PIEZO1: variants seen among roughly 807,000 people sequenced by gnomAD.
PIEZO1 encodes piezo type mechanosensitive ion channel component 1 (Er blood group).
In PIEZO1, 296 loss-of-function variants were observed where a neutral mutation model predicts 297.2. The observed-to-expected ratio is 1.00, with a 90% CI of 0.91 to 1.10. The LOEUF (loss-of-function observed/expected upper bound fraction) is 1.10, where lower values mean the gene tolerates loss of function less well. Ranked by LOEUF, PIEZO1 falls within the 50% of genes least tolerant of loss-of-function variation. The probability of loss-of-function intolerance (pLI) is 0.00; values close to 1 mark genes in which losing one functional copy is unlikely to be tolerated. For synonymous variants in PIEZO1, 2,427 were observed against 1,507.5 expected (o/e 1.61, Z -14.13); for missense variants, 5,018 against 3,455.5 (o/e 1.45, Z -11.34).
chr16:88,731,425 G>T, intron 22 of PIEZO1: 2 of 466,416 alleles, frequency 4.3e-6, no homozygotes, highest in South Asian at 2.5e-5. Context: ...AGTGCTCCTT[G>T]TGTGACTCAC....
At chr16:88,741,393 A>G in intron 5 of PIEZO1, 85 bp downstream of exon 5, 1 of 1,269,524 alleles carries the variant, frequency 7.9e-7, no homozygotes, top group Non-Finnish European at 1.1e-6. Flanking sequence ...ATCTGTTTTA[A>G]AAAGATTAAA....
At chr16:88,772,242 G>T (rs980773852) in intron 1 of PIEZO1, among the ~76,000 whole-genome samples, 2 of 152,266 alleles carry the variant, frequency 1.3e-5, no homozygotes, top group Non-Finnish European at 2.9e-5. Flanking sequence ...GAAGTCCCAA[G>T]TCTGTGTCCA....
chr16:88,735,939 G>T (rs1488289006), intron 12 of PIEZO1, among the ~76,000 whole-genome samples: 1 of 152,244 alleles, frequency 6.6e-6, no homozygotes, highest in Non-Finnish European at 1.5e-5. Flanking sequence ...GGTGGTGCCC[G>T]TGCCAACACA....
chr16:88,776,220 G>T (rs969311252), intron 1 of PIEZO1, among the ~76,000 whole-genome samples: 1 of 152,246 alleles, frequency 6.6e-6, no homozygotes, highest in Non-Finnish European at 1.5e-5. Context: ...GGATCATGAG[G>T]TCAGGAGATT....
intron 39 of PIEZO1, 26 bp downstream of exon 39, chr16:88,721,140 G>C (rs1343103903): frequency 1.4e-6 from 2 of 1,465,572 alleles, no homozygotes; most frequent in Admixed American, 4.8e-5. Flanking sequence ...GGGTAGGCAG[G>C]AGGTTGTGAG....
chr16:88,775,726 C>A (rs376295028), intron 1 of PIEZO1, among the ~76,000 whole-genome samples: 802 of 98,170 alleles, frequency 8.2e-3, no homozygotes, highest in African/African-American at 0.016. Flanking sequence ...AAGACGCTGT[C>A]AAAAAAAAAA....
intron 2 of PIEZO1, among the ~76,000 whole-genome samples, chr16:88,747,073 A>C (rs1482672669): frequency 1.3e-5 from 2 of 152,128 alleles, no homozygotes; most frequent in East Asian, 1.9e-4. Flanking sequence ...ATGATCCAAG[A>C]TCAGTGCCTG....
intron 22 of PIEZO1, among the ~76,000 whole-genome samples, chr16:88,730,543 A>C (rs919864437): frequency 1.4e-5 from 2 of 140,922 alleles, no homozygotes; most frequent in East Asian, 2.2e-4. Context: ...GGCTGCAGTG[A>C]GCCGAGATTG....
intron 1 of PIEZO1, among the ~76,000 whole-genome samples, chr16:88,775,720 C>T (rs1236158077): frequency 3.3e-4 from 40 of 122,330 alleles, no homozygotes; most frequent in Admixed American, 1.8e-4. Flanking sequence ...CAGAATAAGA[C>T]GCTGTCAAAA....
chr16:88,782,594 C>G (rs1462808182), intron 1 of PIEZO1, among the ~76,000 whole-genome samples: 4 of 152,236 alleles, frequency 2.6e-5, no homozygotes, highest in Non-Finnish European at 5.9e-5. Flanking sequence ...CAGGATGACT[C>G]AAACCCTCAC....
intron 29 of PIEZO1, 125 bp downstream of exon 29, chr16:88,725,291 A>T: frequency 1.4e-6 from 1 of 709,202 alleles, no homozygotes; most frequent in Non-Finnish European, 2.2e-6. Flanking sequence ...GAGGGTGATC[A>T]TGCGGACAGG....
At chr16:88,753,602 G>A (rs1338692141) in intron 1 of PIEZO1, among the ~76,000 whole-genome samples, 1 of 152,156 alleles carries the variant, frequency 6.6e-6, no homozygotes, top group African/African-American at 2.4e-5. Context: ...GATGGGATGG[G>A]CTCTGAGAGG....
In PIEZO1 at chr16:88,720,225, G is replaced by A. The variant is rs1430652756; in HGVS notation, c.6008C>T (p.Ala2003Val). The A allele has an allele frequency of 1.3e-6, 2 of 1,550,446 alleles. No homozygotes were observed. Among genetic ancestry groups the A allele is most frequent in the African/African-American group, 1.4e-5 (1 of 73,060 alleles). ...SSLSDDQVPE[A>V]FLVMLLIQFS... ...CTGGATCAGCAGCATGACCAGGAAAGCCTCGGGTACCTGGTCGTCTGATAG... is the reference window on the plus strand; with the variant it reads ...CTGGATCAGCAGCATGACCAGGAAAACCTCGGGTACCTGGTCGTCTGATAG... The change falls in exon 42 of 51, where the codon GCT becomes GTT. Residue 2003 changes from alanine to valine, a missense_variant. Transcript: ENST00000301015.
Position 88,722,007 on chromosome 16 carries a change from G to C in PIEZO1, c.5015C>G (p.Ala1672Gly). The C allele has an allele frequency of 6.5e-7, 1 of 1,548,712 alleles. No homozygotes were observed. Among genetic ancestry groups the C allele is most frequent in the Non-Finnish European group, 8.7e-7 (1 of 1,146,642 alleles). Reference sequence around the variant, plus strand: ...GTACACGGCCCGCAGCAGCCGCAGCGCCCGGCCCTGCCCCTCCGCAAACAG... The same window carrying C: ...GTACACGGCCCGCAGCAGCCGCAGCCCCCGGCCCTGCCCCTCCGCAAACAG... ...AELFAEGQGR[A>G]LRLLRAVYQC... The change falls in exon 37 of 51, where the codon GCG (alanine) becomes GGG (glycine). Residue 1672 changes from alanine (A) to glycine (G), a missense_variant. Coordinates refer to ENST00000301015, the MANE Select transcript of PIEZO1 (RefSeq NM_001142864.4).
chr16:88,731,755 C>A lies in PIEZO1; in HGVS notation c.3147G>T (p.Leu1049=), dbSNP rs1036396772. 5 of 1,549,630 alleles carry A rather than the reference C, an allele frequency of 3.2e-6. No homozygotes were observed. Among genetic ancestry groups the A allele is most frequent in the Non-Finnish European group, 4.4e-6 (5 of 1,146,814 alleles). ...CCAGGCACAGCAGGTACTGGTACAG[C>A]AGGAACAGCGCCAGGAAGAGGCAGT... is the stretch of plus-strand genomic sequence containing the variant. ...PNYCLFLALF[L]LYQYLLCLGM... The change falls in exon 22 of 51, where the codon CTG becomes CTT. Residue 1049 remains leucine (L), a synonymous_variant. Coordinates refer to ENST00000301015, the MANE Select transcript of PIEZO1 (RefSeq NM_001142864.4).
chr16:88,776,392 C>T (rs1402402681), intron 1 of PIEZO1, among the ~76,000 whole-genome samples: 1 of 152,074 alleles, frequency 6.6e-6, no homozygotes, highest in Non-Finnish European at 1.5e-5. Context: ...CCAGACTGGG[C>T]CACTGCACTC....
rs1346739530 is a variant in PIEZO1, at chr16:88,715,758, C to G, written c.7413G>C (p.Leu2471=). The change falls in exon 51 of 51, where the codon CTG becomes CTC. Residue 2471 remains leucine, a synonymous_variant. Transcript: ENST00000301015. ...GCTTGAGGATGCGGTCCACGCACGGCAGCTCCTCGAACATAATGGAGTGCG... is the reference window on the plus strand; with the variant it reads ...GCTTGAGGATGCGGTCCACGCACGGGAGCTCCTCGAACATAATGGAGTGCG... ...EISHSIMFEE[L]PCVDRILKLC... 6.5e-7 allele frequency: 1 copy of G among 1,550,328 alleles called. No homozygotes were observed. The highest frequency in any genetic ancestry group is 2.4e-5 in the East Asian group (1 of 40,932).
At position 88,725,401 on chromosome 16, in the gene PIEZO1, T is replaced by G. The variant is rs752744765; in HGVS notation, c.4162+15A>C. The G allele has an allele frequency of 8.5e-6, 12 of 1,405,128 alleles. No homozygotes were observed. Among genetic ancestry groups the G allele is most frequent in the Non-Finnish European group, 1.1e-5 (12 of 1,065,966 alleles). 87.0% of individuals were successfully genotyped at this position (1,405,128 alleles called of 1,614,324 possible). ...GGACACGGGGCCCTGGGTGCCCGACTCCAGCTGCACTCACCTGGCTCCAGG... is the reference window on the plus strand; with the variant it reads ...GGACACGGGGCCCTGGGTGCCCGACGCCAGCTGCACTCACCTGGCTCCAGG... On this transcript the variant is annotated intron_variant, in intron 29 of 50. Coordinates refer to ENST00000301015, the MANE Select transcript of PIEZO1 (RefSeq NM_001142864.4).
At chr16:88,752,607 G>A (rs1457052390) in intron 1 of PIEZO1, among the ~76,000 whole-genome samples, 4 of 152,098 alleles carry the variant, frequency 2.6e-5, no homozygotes, top group Admixed American at 6.5e-5. Context: ...TGAGGCGGGT[G>A]CAGGGGCTGA....
Sources: allele counts gnomAD v4.1 joint callset (sites outside exome capture counted in the v4.1 genomes callset), GRCh38; gene constraint gnomAD v4.1.1; transcripts MANE v1.5; gene names NCBI Gene and HGNC (gene_info 2026-07-23, HGNC 2026-07-21).